TAAR5: variants seen among roughly 807,000 people sequenced by gnomAD.
TAAR5 encodes the protein trace amine associated receptor 5.
In TAAR5, 27 loss-of-function variants were observed where a neutral mutation model predicts 21.1. The ratio of observed to expected loss-of-function variants is 1.28; its 90% CI spans 0.94 to 1.76. TAAR5 has a LOEUF of 1.76. Ranked by LOEUF, TAAR5 falls within the 40% of genes most tolerant of loss-of-function variation. The pLI, the probability that TAAR5 is intolerant of heterozygous loss-of-function variation, is 0.00. For synonymous variants in TAAR5, 203 were observed against 167.5 expected, an observed-to-expected ratio of 1.21 and a Z score of -1.64; for missense variants, 495 against 405.6, an observed-to-expected ratio of 1.22 and a Z score of -1.89.
chr6:132,588,620 C>T lies in TAAR5; in HGVS notation c.*53G>A. The T allele has an allele frequency of 1.9e-6, 3 of 1,556,376 alleles. No homozygotes were observed. Among genetic ancestry groups the T allele is most frequent in the Non-Finnish European group, 2.6e-6 (3 of 1,145,954 alleles). On this transcript the variant is annotated 3_prime_UTR_variant, in exon 1 of 1. Coordinates refer to ENST00000258034, the MANE Select transcript of TAAR5 (RefSeq NM_003967.3). Reference sequence around the variant, plus strand: ...CACCACACAGCCCACGGTCACAGTGCCACTTATCTTTCCTGTGAGGTCCTA... The same window carrying T: ...CACCACACAGCCCACGGTCACAGTGTCACTTATCTTTCCTGTGAGGTCCTA...
At chr6:132,613,597 A>G in the TAAR5 span, among the ~76,000 whole-genome samples, 1 of 152,216 alleles carries the variant, frequency 6.6e-6, no homozygotes, top group African/African-American at 2.4e-5. Flanking sequence ...TAAGGTTGGC[A>G]TATCTCCAGC....
At chr6:132,605,969 C>G in the TAAR5 span, among the ~76,000 whole-genome samples, 2 of 142,068 alleles carry the variant, frequency 1.4e-5, no homozygotes, top group East Asian at 3.9e-4. Context: ...CATGTATTAG[C>G]TGGAAACAAT....
upstream of TAAR5, chr6:132,589,822 A>AAAG: frequency 1.4e-6 from 1 of 738,028 alleles, no homozygotes. Context: ...GGAAGAAACT[A>AAAG]AAGTACAGTT....
the TAAR5 span, among the ~76,000 whole-genome samples, chr6:132,610,869 CCTTGCAGG>C: frequency 0.047 from 7,230 of 152,220 alleles, 199 homozygotes; most frequent in Middle Eastern, 0.065. Context: ...GCTAGATGAG[CCTTGCAGG>C]CTTTCCAGCT....
chr6:132,612,153 T>C, the TAAR5 span, among the ~76,000 whole-genome samples: 1 of 152,198 alleles, frequency 6.6e-6, no homozygotes, highest in Non-Finnish European at 1.5e-5. Context: ...TAAGAAATAA[T>C]TGTTGAATTT....
chr6:132,609,647 G>T, the TAAR5 span, among the ~76,000 whole-genome samples: 1 of 152,154 alleles, frequency 6.6e-6, no homozygotes, highest in African/African-American at 2.4e-5. Flanking sequence ...ACTTTGAACA[G>T]ATACATTCCT....
chr6:132,589,756 AAAAAAAAAAAAAAAAAAAAAT>A (rs1349716625), upstream of TAAR5: 116 of 883,198 alleles, frequency 1.3e-4, no homozygotes, highest in Middle Eastern at 4.0e-4. Flanking sequence ...AAAAAAAAAA[AAAAAAAAAAAAAAAAAAAAAT>A]ATGTCTGCTA....
chr6:132,598,752 G>A, the TAAR5 span, among the ~76,000 whole-genome samples: 1 of 152,176 alleles, frequency 6.6e-6, no homozygotes, highest in Non-Finnish European at 1.5e-5. Flanking sequence ...CTGGGAGGGA[G>A]CTTCAGTTCT....
upstream of TAAR5, among the ~76,000 whole-genome samples, chr6:132,594,137 A>G (rs17061483): frequency 0.069 from 10,480 of 152,264 alleles, 575 homozygotes; most frequent in South Asian, 0.16. Context: ...TAGATCCCTA[A>G]TTTGGAATCT....
chr6:132,616,438 A>G, the TAAR5 span, among the ~76,000 whole-genome samples: 2 of 152,366 alleles, frequency 1.3e-5, no homozygotes, highest in Non-Finnish European at 2.9e-5. Flanking sequence ...GGATGAGCCT[A>G]CGGAGGAAAG....
chr6:132,589,030 A>G lies in TAAR5; in HGVS notation c.657T>C (p.Tyr219=), dbSNP rs1411016466. The G allele has an allele frequency of 6.2e-7, 1 of 1,613,978 alleles. No individual in the cohort carries two copies. Among genetic ancestry groups the G allele is most frequent in the Non-Finnish European group, 8.5e-7 (1 of 1,179,992 alleles). The change falls in exon 1 of 1, where the codon TAT becomes TAC. Residue 219 remains tyrosine, a synonymous_variant. Transcript: ENST00000258034. ...TGGTAGCAACCACAAAGATCTTCACATACAAGCTGATCATAATGAGGCAGG... is the reference window on the plus strand; with the variant it reads ...TGGTAGCAACCACAAAGATCTTCACGTACAAGCTGATCATAATGAGGCAGG... ...FVPCLIMISL[Y]VKIFVVATRQ...
the TAAR5 span, among the ~76,000 whole-genome samples, chr6:132,607,013 T>C: frequency 6.6e-6 from 1 of 151,940 alleles, no homozygotes; most frequent in Non-Finnish European, 1.5e-5. Context: ...CTGGACAACA[T>C]GACGAAACCC....
chr6:132,601,023 AGGAG>A, the TAAR5 span, among the ~76,000 whole-genome samples: 1 of 83,886 alleles, frequency 1.2e-5, no homozygotes, highest in African/African-American at 6.9e-5. Flanking sequence ...GAAGGGGGGA[AGGAG>A]GGAAGGAGGG....
chr6:132,607,255 C>CTCTCCT, the TAAR5 span, among the ~76,000 whole-genome samples: 4 of 151,876 alleles, frequency 2.6e-5, no homozygotes, highest in African/African-American at 4.8e-5. Context: ...GAACATTCTA[C>CTCTCCT]TCTCCTTCTC....
chr6:132,603,585 G>A, the TAAR5 span, among the ~76,000 whole-genome samples: 2 of 151,324 alleles, frequency 1.3e-5, no homozygotes, highest in Admixed American at 1.3e-4. Context: ...TATAATATTG[G>A]TAATGTTTAA....
rs774762331 is a variant in TAAR5, at chr6:132,589,384, G to A, written c.303C>T (p.Phe101=). Residue 101 remains phenylalanine, a synonymous_variant, in exon 1 of 1, where the codon TTC becomes TTT. Transcript: ENST00000258034. ...GCAGGCGGCAGAGGAAGTCCCCGAA[G>A]AACCAGCAGCTCTCCACTGAGCGAA... ...STIRSVESCW[F]FGDFLCRLHT... is the part of the protein sequence containing the mutation. 33 of 1,613,996 alleles carry A rather than the reference G, an allele frequency of 2.0e-5. No homozygotes were observed. In the Admixed American group the frequency reaches 5.3e-4, roughly 26 times the overall value.
the TAAR5 span, among the ~76,000 whole-genome samples, chr6:132,613,308 T>C: frequency 6.6e-6 from 1 of 152,220 alleles, no homozygotes; most frequent in Non-Finnish European, 1.5e-5. Context: ...TACTGTTTCA[T>C]AACCTGTTTA....
upstream of TAAR5, among the ~76,000 whole-genome samples, chr6:132,590,579 G>A (rs1263858435): frequency 1.3e-5 from 2 of 152,154 alleles, no homozygotes; most frequent in Non-Finnish European, 2.9e-5. Flanking sequence ...TCTTCTGTTG[G>A]CCACAATGAC....
the TAAR5 span, chr6:132,608,393 A>G: frequency 2.2e-6 from 1 of 455,970 alleles, no homozygotes; most frequent in South Asian, 1.5e-5. Flanking sequence ...TACCGGAGCC[A>G]CACTAAAAGA....
Sources: gnomAD v4.1 joint callset for allele counts (sites outside exome capture counted in the v4.1 genomes callset) on GRCh38, gnomAD v4.1.1 for gene constraint, MANE v1.5 for transcripts, NCBI Gene and HGNC (gene_info 2026-07-23, HGNC 2026-07-21) for gene names.